The following SYT10 variants were observed in gnomAD, a reference collection of about 807,000 sequenced individuals.
SYT10 encodes the protein synaptotagmin 10.
A neutral mutation model predicts 51.1 loss-of-function variants in SYT10; 31 were observed. The ratio of observed to expected loss-of-function variants is 0.61; its 90% CI spans 0.46 to 0.82. The LOEUF is 0.82. Ranked by LOEUF, SYT10 falls within the 40% of genes least tolerant of loss-of-function variation. The pLI is 0.00. For synonymous variants in SYT10, 233 were observed against 225.9 expected, an observed-to-expected ratio of 1.03 and a Z score of -0.28; for missense variants, 603 against 634.0, an observed-to-expected ratio of 0.95 and a Z score of 0.53.
rs114503760 is a variant in SYT10 at position 33,404,225 on chromosome 12, T to G, written c.1077+2564A>C. 6.9e-3 allele frequency among the ~76,000 whole-genome samples: 1,054 copies of G among 152,178 alleles called. 12 individuals are homozygous for G. Among genetic ancestry groups the G allele is most frequent in the African/African-American group, 0.023 (974 of 41,530 alleles). On this transcript the variant is annotated intron_variant, in intron 3 of 6. Transcript: ENST00000228567. ...GGATTTTGAGATGGGGAGATTTTCC[T>G]AGATTACCCACTGGGGCCCAATATA...
intron 6 of SYT10, 24 bp from the exon 7 acceptor site, chr12:33,376,925 G>A (rs1565709517): frequency 6.2e-7 from 1 of 1,611,022 alleles, no homozygotes; most frequent in Non-Finnish European, 8.5e-7. Flanking sequence ...ATTTCATAAT[G>A]TATGATCTAG....
At chr12:33,399,231 C>T (rs958163271) in intron 3 of SYT10, among the ~76,000 whole-genome samples, 8 of 152,190 alleles carry the variant, frequency 5.3e-5, no homozygotes, top group Non-Finnish European at 1.0e-4. Flanking sequence ...TCAAATGACA[C>T]CCTTCCAATG....
Position 33,406,977 on chromosome 12 carries a change from C to G in SYT10, c.889G>C (p.Asp297His), listed in dbSNP as rs1565495299. 1 of 1,614,068 alleles carries G rather than the reference C, an allele frequency of 6.2e-7. No individual in the cohort carries two copies. The highest frequency in any genetic ancestry group is 1.7e-5 in the Admixed American group (1 of 59,998). The stretch of plus-strand genomic sequence containing the variant: ...GCTACAGGAAATTGAAAAGTTTCAT[C>G]AAATAGAGGATTTAAAGTCTTTCTG... Reference protein sequence around the residue: ...VHRKTLNPLFDETFQFPVAYD... With the variant: ...VHRKTLNPLFHETFQFPVAYD... Residue 297 changes from aspartate to histidine, a missense_variant, in exon 3 of 7, where the codon GAT (aspartate) becomes CAT (histidine). By Grantham distance (81) the Asp-to-His change is moderately conservative. Transcript: ENST00000228567.
In SYT10 at chr12:33,439,499, T is replaced by G. The variant is rs749853704; in HGVS notation, c.24A>C (p.Gly8=). MSFHKED[G]VNSLCQKALH... ...GAGCCTTCTGGCACAGACTGTTCAC[T>G]CCGTCCTCCTTGTGGAAACTCATCG... The change falls in exon 1 of 7, where the codon GGA becomes GGC. Residue 8 remains glycine (G), a synonymous_variant. Coordinates refer to ENST00000228567, the MANE Select transcript of SYT10 (RefSeq NM_198992.4). 4.0e-5 allele frequency: 64 copies of G among 1,613,276 alleles called. No individual in the cohort carries two copies. The South Asian group carries it at 6.5e-4, about 16-fold the overall frequency.
Position 33,426,138 on chromosome 12 carries a change from C to A in SYT10, c.509G>T (p.Arg170Leu). 6.3e-7 allele frequency: 1 copy of A among 1,593,456 alleles called. No homozygotes were observed. The highest frequency in any genetic ancestry group is 1.1e-5 in the South Asian group (1 of 87,042). ...RQITEPTSST[R>L]HSSFRRHLPR... Reference sequence around the variant, plus strand: ...TTTTATATATTTAATCTTTCCTTACCGGGTTGATGACGTAGGCTCAGTAAT... The same window carrying A: ...TTTTATATATTTAATCTTTCCTTACAGGGTTGATGACGTAGGCTCAGTAAT... Residue 170 changes from arginine to leucine, a missense_variant and splice_region_variant, in exon 2 of 7, where the codon CGC becomes CTC. Coordinates refer to ENST00000228567, the MANE Select transcript of SYT10 (RefSeq NM_198992.4).
chr12:33,394,554 G>A (rs1866237652), intron 3 of SYT10, among the ~76,000 whole-genome samples: 1 of 152,152 alleles, frequency 6.6e-6, no homozygotes, highest in Non-Finnish European at 1.5e-5. Flanking sequence ...CTGACAATTA[G>A]AAACTTTAAA....
At chr12:33,405,774 T>A (rs1454520976) in intron 3 of SYT10, 1 of 151,522 alleles carries the variant, frequency 6.6e-6, no homozygotes, top group African/African-American at 2.4e-5. Flanking sequence ...TGTCCCCATT[T>A]AAAAACTAAT....
chr12:33,409,467 T>C (rs1866387129), intron 2 of SYT10, among the ~76,000 whole-genome samples: 1 of 151,306 alleles, frequency 6.6e-6, no homozygotes, highest in Admixed American at 6.6e-5. Flanking sequence ...TTTGCCCACC[T>C]CCACCTCCCA....
intron 3 of SYT10, among the ~76,000 whole-genome samples, chr12:33,404,146 T>A (rs1866331239): frequency 6.6e-6 from 1 of 152,170 alleles, no homozygotes; most frequent in Admixed American, 6.5e-5. Flanking sequence ...CTGGAATCTG[T>A]GAATAATGTT....
intron 2 of SYT10, among the ~76,000 whole-genome samples, chr12:33,416,277 T>A (rs1866453047): frequency 6.6e-6 from 1 of 152,036 alleles, no homozygotes; most frequent in African/African-American, 2.4e-5. Context: ...GAGACGGGGT[T>A]TCATTATGTT....
intron 3 of SYT10, among the ~76,000 whole-genome samples, chr12:33,400,087 G>T (rs1236316363): frequency 6.6e-6 from 1 of 152,090 alleles, no homozygotes; most frequent in African/African-American, 2.4e-5. Flanking sequence ...GCTCCCTACT[G>T]CCCCACTTTC....
At chr12:33,402,982 G>A (rs948770545) in intron 3 of SYT10, among the ~76,000 whole-genome samples, 4 of 151,920 alleles carry the variant, frequency 2.6e-5, no homozygotes, top group African/African-American at 4.8e-5. Context: ...ATGATTCTGA[G>A]AAGAATCATT....
intron 2 of SYT10, among the ~76,000 whole-genome samples, chr12:33,417,283 T>A (rs1243124833): frequency 6.6e-6 from 1 of 152,060 alleles, no homozygotes; most frequent in Non-Finnish European, 1.5e-5. Flanking sequence ...ATTAATGAGT[T>A]AATAGATTTG....
intron 6 of SYT10, 109 bp from the exon 7 acceptor site, chr12:33,377,010 T>G: frequency 8.7e-7 from 1 of 1,154,302 alleles, no homozygotes; most frequent in Non-Finnish European, 1.3e-6. Flanking sequence ...TGCGAATCTC[T>G]GAAGAAAGGA....
In SYT10 at chr12:33,439,554, T is replaced by C. The variant is rs1332862256; in HGVS notation, c.-32A>G. ...GCTTTTCTTTCGTTTTCTCTTTTTT[T>C]CCCAGTTAGCCGTCTTTTCCTCTTC... is the stretch of plus-strand genomic sequence containing the variant. On this transcript the variant is annotated 5_prime_UTR_variant, in exon 1 of 7. Transcript: ENST00000228567. 8.7e-6 allele frequency: 14 copies of C among 1,608,008 alleles called. No individual in the cohort carries two copies. Among genetic ancestry groups the C allele is most frequent in the Non-Finnish European group, 1.1e-5 (13 of 1,176,228 alleles).
At chr12:33,412,084 G>T (rs1866411223) in intron 2 of SYT10, among the ~76,000 whole-genome samples, 1 of 151,958 alleles carries the variant, frequency 6.6e-6, no homozygotes, top group Non-Finnish European at 1.5e-5. Flanking sequence ...CCCCTAAGAA[G>T]TTAATTCTTT....
intron 4 of SYT10, 126 bp downstream of exon 4, chr12:33,385,045 T>C (rs1336103574): frequency 8.6e-7 from 1 of 1,156,212 alleles, no homozygotes; most frequent in Admixed American, 2.6e-5. Flanking sequence ...AAATTTGTAA[T>C]CTTTTTTTTT....
intron 3 of SYT10, among the ~76,000 whole-genome samples, chr12:33,399,228 A>G (rs1190808387): frequency 6.6e-6 from 1 of 152,178 alleles, no homozygotes; most frequent in Non-Finnish European, 1.5e-5. Context: ...TTTTCAAATG[A>G]CACCCTTCCA....
At chr12:33,385,368 C>G in intron 3 of SYT10, 77 bp from the exon 4 acceptor site, 1 of 1,544,704 alleles carries the variant, frequency 6.5e-7, no homozygotes. Flanking sequence ...TAGTAGAATA[C>G]TGGAATGTCA....
Sources: allele counts gnomAD v4.1 joint callset (sites outside exome capture counted in the v4.1 genomes callset), GRCh38; gene constraint gnomAD v4.1.1; transcripts MANE v1.5; gene names NCBI Gene and HGNC (gene_info 2026-07-23, HGNC 2026-07-21).